Variants in HEATR5A observed in about 807,000 individuals in gnomAD.
HEATR5A encodes the protein HEAT repeat containing 5A, also known as HEAT repeat-containing protein 5A.
Under a neutral mutation model 218.8 loss-of-function variants are expected in HEATR5A, and 178 were observed. That is an observed-to-expected ratio of 0.81 (90% CI 0.72 to 0.92). The LOEUF (loss-of-function observed/expected upper bound fraction) is 0.92. HEATR5A is among the 40% of genes least tolerant of loss of function. The pLI is 0.00. For missense variants in HEATR5A, 2,420 were observed against 2,418.9 expected (o/e 1.00, Z -0.01); for synonymous variants, 864 against 871.6 (o/e 0.99, Z 0.15).
chr14:31,411,147 G>A (rs562123293), intron 1 of HEATR5A, among the ~76,000 whole-genome samples: 1 of 151,848 alleles, frequency 6.6e-6, no homozygotes, highest in South Asian at 2.1e-4. Flanking sequence ...AACTCTTTTA[G>A]AAAAAAATAT....
chr14:31,369,210 T>C (rs1901925289), intron 13 of HEATR5A, among the ~76,000 whole-genome samples: 1 of 151,518 alleles, frequency 6.6e-6, no homozygotes, highest in Non-Finnish European at 1.5e-5. Context: ...CGTGGGAGGA[T>C]CACTTAAGCC....
intron 10 of HEATR5A, 67 bp downstream of exon 10, chr14:31,383,454 G>C (rs866730331): frequency 6.9e-7 from 1 of 1,456,058 alleles, no homozygotes. Context: ...AACAAATTCT[G>C]TTACTATGTG....
At chr14:31,392,342 C>A (rs1252218302) in intron 6 of HEATR5A, among the ~76,000 whole-genome samples, 7 of 151,984 alleles carry the variant, frequency 4.6e-5, no homozygotes, top group African/African-American at 4.8e-5. Context: ...TTGGATAAGA[C>A]CACAAGACAT....
At chr14:31,348,159 A>T (rs546059979) in intron 18 of HEATR5A, among the ~76,000 whole-genome samples, 1 of 152,340 alleles carries the variant, frequency 6.6e-6, no homozygotes, top group Non-Finnish European at 1.5e-5. Flanking sequence ...AATGTCTTTC[A>T]TATATATACA....
intron 7 of HEATR5A, among the ~76,000 whole-genome samples, chr14:31,387,868 A>G (rs1315210209): frequency 1.3e-5 from 2 of 152,294 alleles, no homozygotes; most frequent in East Asian, 1.9e-4. Context: ...CCTGAAGTGC[A>G]TAGTCTTTCA....
At chr14:31,375,242 G>T (rs988727023) in intron 11 of HEATR5A, among the ~76,000 whole-genome samples, 2 of 152,060 alleles carry the variant, frequency 1.3e-5, no homozygotes, top group African/African-American at 4.8e-5. Flanking sequence ...ACTCAGTTTC[G>T]TCTACATATT....
At chr14:31,306,639 A>T in intron 31 of HEATR5A, 93 bp downstream of exon 31, 1 of 1,298,578 alleles carries the variant, frequency 7.7e-7, no homozygotes, top group Non-Finnish European at 1.0e-6. Context: ...TACCACACAC[A>T]AAAGATTATC....
chr14:31,354,757 C>T (rs910147285), intron 16 of HEATR5A, among the ~76,000 whole-genome samples: 9 of 152,120 alleles, frequency 5.9e-5, no homozygotes, highest in Non-Finnish European at 1.0e-4. Context: ...ACCCTTTAGA[C>T]AGGGGGTACA....
chr14:31,337,611 T>C lies in HEATR5A; in HGVS notation c.3232A>G (p.Asn1078Asp). Residue 1078 changes from asparagine (N) to aspartate (D), a missense_variant, in exon 22 of 36, where the codon AAT (asparagine) becomes GAT (aspartate). Coordinates refer to ENST00000543095, the MANE Select transcript of HEATR5A (RefSeq NM_015473.4). Reference protein sequence around the residue: ...LSSLVSCLCVNLCSPYLLLRR... With the variant: ...LSSLVSCLCVDLCSPYLLLRR... ...AGTAACAAGTAGGGGCTACAAAGATTCACCTGAAAAATACCATTTGAGGAA... is the reference window on the plus strand; with the variant it reads ...AGTAACAAGTAGGGGCTACAAAGATCCACCTGAAAAATACCATTTGAGGAA... The C allele has an allele frequency of 6.2e-7, 1 of 1,600,010 alleles. No homozygotes were observed. The highest frequency in any genetic ancestry group is 8.5e-7 in the Non-Finnish European group (1 of 1,172,910).
intron 13 of HEATR5A, among the ~76,000 whole-genome samples, chr14:31,368,245 A>G (rs773439301): frequency 4.6e-5 from 7 of 152,164 alleles, no homozygotes; most frequent in African/African-American, 7.2e-5. Flanking sequence ...GAATGTAGCA[A>G]CAAGGTGCCA....
intron 20 of HEATR5A, among the ~76,000 whole-genome samples, chr14:31,344,322 G>GGC (rs1900950024): frequency 7.6e-6 from 1 of 131,090 alleles, no homozygotes; most frequent in Non-Finnish European, 1.6e-5. Context: ...CCGTTGCCCA[G>GGC]GCTGGAGTGC....
chr14:31,367,228 G>A lies in HEATR5A; in HGVS notation c.1962-2930C>T, dbSNP rs574890910. Reference sequence around the variant, plus strand: ...TCACAACAAAAATACAAAGAACCTCGGAGTAAATTTTTTAAAAAGACTTAT... The same window carrying A: ...TCACAACAAAAATACAAAGAACCTCAGAGTAAATTTTTTAAAAAGACTTAT... On this transcript the variant is annotated intron_variant, in intron 13 of 35. Coordinates refer to ENST00000543095, the MANE Select transcript of HEATR5A (RefSeq NM_015473.4). Among the ~76,000 whole-genome samples, 4 of 151,764 alleles carry A rather than the reference G, an allele frequency of 2.6e-5. No homozygotes were observed. The South Asian group carries it at 6.3e-4, about 24-fold the overall frequency.
At chr14:31,339,118 G>GA (rs1026260132) in intron 21 of HEATR5A, among the ~76,000 whole-genome samples, 25 of 141,562 alleles carry the variant, frequency 1.8e-4, no homozygotes, top group African/African-American at 5.7e-4. Context: ...TGTGTCTCAG[G>GA]AAAAAAAAAC....
chr14:31,330,959 T>TTTG (rs1900447574), intron 22 of HEATR5A, among the ~76,000 whole-genome samples: 1 of 87,778 alleles, frequency 1.1e-5, no homozygotes, highest in Non-Finnish European at 2.5e-5. Context: ...TTTTTTTTTT[T>TTTG]GAGACAGAGT....
chr14:31,402,027 A>T (rs987777807), intron 2 of HEATR5A, among the ~76,000 whole-genome samples: 1 of 152,066 alleles, frequency 6.6e-6, no homozygotes, highest in Non-Finnish European at 1.5e-5. Context: ...TTTTTCCCCA[A>T]ATCTAGAAGT....
At chr14:31,393,863 G>T (rs1448948387) in intron 6 of HEATR5A, among the ~76,000 whole-genome samples, 189 bp downstream of exon 6, 1 of 152,098 alleles carries the variant, frequency 6.6e-6, no homozygotes, top group African/African-American at 2.4e-5. Context: ...GGCCAGACTG[G>T]TCTCAAACTT....
chr14:31,383,799 G>C, intron 9 of HEATR5A, 28 bp from the exon 10 acceptor site: 1 of 1,593,506 alleles, frequency 6.3e-7, no homozygotes. Context: ...TGATGACTTA[G>C]GTACATAGAT....
intron 21 of HEATR5A, 66 bp from the exon 22 acceptor site, chr14:31,337,680 A>C: frequency 7.2e-7 from 1 of 1,389,062 alleles, no homozygotes; most frequent in Non-Finnish European, 9.9e-7. Context: ...AGTCTAATAG[A>C]TATTCACTGG....
chr14:31,314,345 C>T (rs1416318274), intron 27 of HEATR5A, among the ~76,000 whole-genome samples: 4 of 152,020 alleles, frequency 2.6e-5, no homozygotes, highest in Non-Finnish European at 4.4e-5. Context: ...CTCTGCCTCC[C>T]GGGTTCAAGC....
Sources: allele counts gnomAD v4.1 joint callset (sites outside exome capture counted in the v4.1 genomes callset), GRCh38; gene constraint gnomAD v4.1.1; transcripts MANE v1.5; gene names NCBI Gene and HGNC (gene_info 2026-07-23, HGNC 2026-07-21).